The following ENTHD1 variants were observed in gnomAD, a reference collection of about 807,000 sequenced individuals.
ENTHD1 encodes the protein ENTH domain-containing protein 1.
ENTHD1 carries 23 observed loss-of-function variants against 39.1 expected under a neutral mutation model. The observed-to-expected ratio is 0.59, with a 90% confidence interval of 0.42 to 0.83. ENTHD1 has a LOEUF of 0.83. Ranked by LOEUF, ENTHD1 falls within the 40% of genes least tolerant of loss-of-function variation. The pLI is 0.00. For synonymous variants in ENTHD1, 230 were observed against 258.2 expected (o/e 0.89, Z 1.05); for missense variants, 624 against 705.4 (o/e 0.88, Z 1.31).
Position 39,835,858 on chromosome 22 carries a change from A to G in ENTHD1, c.693T>C (p.His231=). 6.2e-7 allele frequency: 1 copy of G among 1,608,326 alleles called. No homozygotes were observed. The highest frequency in any genetic ancestry group is 1.3e-5 in the African/African-American group (1 of 74,844). The part of the protein sequence containing the change: ...LSQETLPLKI[H]GWKSTEDLMT... ...GACTTACCTCTGTTGATTTCCAACC[A>G]TGAATCTTGAGTGGAAGTGTTTCCT... Residue 231 remains histidine, a synonymous_variant, in exon 4 of 7, where the codon CAT becomes CAC. Transcript: ENST00000325157.
chr22:39,744,884 T>TA (rs2065091341), intron 6 of ENTHD1, among the ~76,000 whole-genome samples: 1 of 152,302 alleles, frequency 6.6e-6, no homozygotes, highest in East Asian at 1.9e-4. Flanking sequence ...CTAAGTGAAG[T>TA]AAAAAGCATT....
chr22:39,745,313 A>T (rs781578794), intron 6 of ENTHD1, among the ~76,000 whole-genome samples: 2 of 152,236 alleles, frequency 1.3e-5, no homozygotes, highest in Admixed American at 1.3e-4. Context: ...TTAAAAAAAA[A>T]TTCCATTGTA....
chr22:39,886,739 A>G lies in ENTHD1; in HGVS notation c.349+661T>C, dbSNP rs192383338. Among the ~76,000 whole-genome samples the G allele has an allele frequency of 1.2e-4, 18 of 152,254 alleles. No homozygotes were observed. In the East Asian group the frequency reaches 3.5e-3, roughly 29 times the overall value. ...ATATCAGGCACTACTGAATCATCTC[A>G]GGATCCTATCCTTTCCCTACTGCAC... On this transcript the variant is annotated intron_variant, in intron 2 of 6. Coordinates refer to ENST00000325157, the MANE Select transcript of ENTHD1 (RefSeq NM_152512.4).
chr22:39,837,353 C>T (rs1379378024), intron 3 of ENTHD1, among the ~76,000 whole-genome samples: 2 of 152,202 alleles, frequency 1.3e-5, no homozygotes, highest in African/African-American at 2.4e-5. Context: ...CCTGAGAATG[C>T]AACTATGCAG....
At chr22:39,779,155 A>G (rs2065388274) in intron 5 of ENTHD1, among the ~76,000 whole-genome samples, 1 of 152,040 alleles carries the variant, frequency 6.6e-6, no homozygotes. Context: ...CATCTCTACT[A>G]AAAACACAAA....
rs112589514 is a variant in ENTHD1 at position 39,790,441 on chromosome 22, C to T, written c.833-24832G>A. Among the ~76,000 whole-genome samples the T allele has an allele frequency of 7.4e-4, 113 of 152,280 alleles. No individual in the cohort carries two copies. The Middle Eastern group carries it at 0.027, about 37-fold the overall frequency. ...ATGACTCTGAGGTTTGGGCTGGATGCACCTCTATTCCAGGTGGCTATTTTT... is the reference window on the plus strand; with the variant it reads ...ATGACTCTGAGGTTTGGGCTGGATGTACCTCTATTCCAGGTGGCTATTTTT... On this transcript the variant is annotated intron_variant, in intron 5 of 6. Transcript: ENST00000325157.
chr22:39,876,120 T>C, intron 2 of ENTHD1: 3 of 1,589,926 alleles, frequency 1.9e-6, no homozygotes, highest in Non-Finnish European at 2.6e-6. Flanking sequence ...GGTTAGAGAC[T>C]TGGACTCAAG....
Position 39,875,856 on chromosome 22 carries a change from C to T in ENTHD1, c.349+11544G>A, listed in dbSNP as rs2066284964. On this transcript the variant is annotated intron_variant, in intron 2 of 6. Transcript: ENST00000325157. ...CAGAAGGAAATTAAGCAGGAAGCTG[C>T]AGTTGAATTATCACAGTTGAGGGAC... 5 of 1,613,916 alleles carry T rather than the reference C, an allele frequency of 3.1e-6. No homozygotes were observed. In the South Asian group the frequency reaches 5.5e-5, roughly 18 times the overall value.
At chr22:39,856,017 G>A (rs1047866140) in intron 3 of ENTHD1, among the ~76,000 whole-genome samples, 3 of 152,290 alleles carry the variant, frequency 2.0e-5, no homozygotes, top group East Asian at 1.9e-4. Context: ...CTCAACGCCT[G>A]TAATCCCAGC....
At chr22:39,883,360 A>T (rs917812731) in intron 2 of ENTHD1, among the ~76,000 whole-genome samples, 1 of 152,236 alleles carries the variant, frequency 6.6e-6, no homozygotes, top group Admixed American at 6.5e-5. Context: ...ACATTCATGT[A>T]TACCTTATCT....
At position 39,861,847 on chromosome 22, in the gene ENTHD1, C is replaced by A. The variant is rs114714334; in HGVS notation, c.510G>T (p.Ala170=). The A allele has an allele frequency of 1.2e-6, 2 of 1,603,942 alleles. No homozygotes were observed. Among genetic ancestry groups the A allele is most frequent in the East Asian group, 4.5e-5 (2 of 44,784 alleles). Reference sequence around the variant, plus strand: ...TATCCGGTGTGGGGGCAGAAGTGCACGCTGTCAGTGAGTTACTTGAACCAA... The same window carrying A: ...TATCCGGTGTGGGGGCAGAAGTGCAAGCTGTCAGTGAGTTACTTGAACCAA... ...RQLGSSNSLT[A]CTSAPTPDIS... is the part of the protein sequence containing the mutation. The change falls in exon 3 of 7, where the codon GCG becomes GCT. Residue 170 remains alanine, a synonymous_variant. Coordinates refer to ENST00000325157, the MANE Select transcript of ENTHD1 (RefSeq NM_152512.4).
chr22:39,886,311 G>C (rs2066379101), intron 2 of ENTHD1, among the ~76,000 whole-genome samples: 1 of 152,196 alleles, frequency 6.6e-6, no homozygotes, highest in Non-Finnish European at 1.5e-5. Context: ...CTGTATGATA[G>C]TGGAATGGTG....
intron 5 of ENTHD1, among the ~76,000 whole-genome samples, chr22:39,802,685 G>A (rs1160539234): frequency 6.6e-6 from 1 of 152,206 alleles, no homozygotes; most frequent in Non-Finnish European, 1.5e-5. Flanking sequence ...GGCAAGAGAA[G>A]AGCAAGGAGA....
chr22:39,820,183 T>C (rs942791781), intron 5 of ENTHD1, among the ~76,000 whole-genome samples: 3 of 152,120 alleles, frequency 2.0e-5, no homozygotes, highest in African/African-American at 4.8e-5. Context: ...TAATAAACTA[T>C]AGCACTTATA....
chr22:39,872,872 CAG>C (rs1009920374), intron 2 of ENTHD1, among the ~76,000 whole-genome samples: 21 of 148,728 alleles, frequency 1.4e-4, no homozygotes, highest in Non-Finnish European at 7.4e-5. Context: ...TTTTTAGAGA[CAG>C]GGTAGAGTGC....
At chr22:39,797,879 G>A (rs2065563828) in intron 5 of ENTHD1, among the ~76,000 whole-genome samples, 1 of 152,074 alleles carries the variant, frequency 6.6e-6, no homozygotes, top group Admixed American at 6.6e-5. Context: ...TGTTTTTGAT[G>A]TTTGACAGTT....
chr22:39,794,305 T>C (rs1218667507), intron 5 of ENTHD1, among the ~76,000 whole-genome samples: 1 of 152,230 alleles, frequency 6.6e-6, no homozygotes, highest in African/African-American at 2.4e-5. Context: ...TGTATGTTGA[T>C]TTTTGTATCC....
intron 5 of ENTHD1, among the ~76,000 whole-genome samples, chr22:39,801,782 T>C (rs1000919567): frequency 6.6e-6 from 1 of 152,136 alleles, no homozygotes; most frequent in Non-Finnish European, 1.5e-5. Context: ...TGTTTGTTAA[T>C]GACCTACATT....
chr22:39,883,052 A>G (rs1487474903), intron 2 of ENTHD1, among the ~76,000 whole-genome samples: 2 of 151,712 alleles, frequency 1.3e-5, no homozygotes, highest in African/African-American at 4.8e-5. Flanking sequence ...ATACACAAAG[A>G]GAAATATGTA....
Sources: allele counts gnomAD v4.1 joint callset (sites outside exome capture counted in the v4.1 genomes callset), GRCh38; gene constraint gnomAD v4.1.1; transcripts MANE v1.5; gene names NCBI Gene and HGNC (gene_info 2026-07-23, HGNC 2026-07-21).